The following ATP2A2 variants were observed in gnomAD, a reference collection of about 807,000 sequenced individuals.
ATP2A2 encodes ATPase sarcoplasmic/endoplasmic reticulum Ca2+ transporting 2, also known as sarcoplasmic/endoplasmic reticulum calcium ATPase 2.
In ATP2A2, 14 loss-of-function variants were observed where a neutral mutation model predicts 109.3. The observed-to-expected ratio is 0.13, with a 90% confidence interval of 0.08 to 0.20. The LOEUF (loss-of-function observed/expected upper bound fraction) is 0.20. ATP2A2 is among the 10% of genes least tolerant of loss of function. The probability of loss-of-function intolerance (pLI) is 1.00; values close to 1 mark genes in which losing one functional copy is unlikely to be tolerated. For missense variants in ATP2A2, 657 were observed against 1,321.6 expected (o/e 0.50, Z 7.80); for synonymous variants, 506 against 490.9 (o/e 1.03, Z -0.41).
At chr12:110,319,652 TAATA>T (rs879400722) in intron 5 of ATP2A2, among the ~76,000 whole-genome samples, 83 of 148,838 alleles carry the variant, frequency 5.6e-4, no homozygotes, top group Non-Finnish European at 6.8e-4. Flanking sequence ...ATACTATATA[TAATA>T]AATCTATACT....
In ATP2A2 at chr12:110,281,882, G is replaced by A; in HGVS notation, c.93G>A (p.Lys31=). 1 of 1,581,452 alleles carries A rather than the reference G, an allele frequency of 6.3e-7. No homozygotes were observed. The highest frequency in any genetic ancestry group is 1.2e-5 in the South Asian group (1 of 86,158). The change falls in exon 1 of 20, where the codon AAG becomes AAA. Residue 31 remains lysine, a synonymous_variant. Coordinates refer to ENST00000539276, the MANE Select transcript of ATP2A2 (RefSeq NM_170665.4). ...STGLSLEQVK[K]LKERWGSNEL... The stretch of plus-strand genomic sequence containing the variant: ...GGCTGAGCCTGGAACAGGTCAAGAA[G>A]CTTAAGGAGAGATGGGGCTCCAACG...
At chr12:110,345,571 C>T (rs1309906832) in intron 18 of ATP2A2, 189 bp downstream of exon 18, 3 of 902,200 alleles carry the variant, frequency 3.3e-6, no homozygotes, top group South Asian at 1.5e-5. Flanking sequence ...GAGTGCTTAG[C>T]CCTGTGTTTC....
intron 4 of ATP2A2, among the ~76,000 whole-genome samples, chr12:110,292,829 G>A (rs1873464344): frequency 6.6e-6 from 1 of 152,092 alleles, no homozygotes; most frequent in Admixed American, 6.6e-5. Context: ...AATTAAAATG[G>A]GTGAGAGAAG....
rs188480916 is a variant in ATP2A2 at position 110,343,352 on chromosome 12, G to C, written c.2439G>C (p.Leu813=). Residue 813 remains leucine (L), a synonymous_variant, in exon 16 of 20, where the codon CTG becomes CTC. Coordinates refer to ENST00000539276, the MANE Select transcript of ATP2A2 (RefSeq NM_170665.4). ...CACTGGGGTTCAACCCTCCTGATCT[G>C]GACATCATGAATAAACCTCCCCGGA... is the stretch of plus-strand genomic sequence containing the variant. The part of the protein sequence containing the change: ...ATALGFNPPD[L]DIMNKPPRNP... 2 of 1,614,156 alleles carry C rather than the reference G, an allele frequency of 1.2e-6. No homozygotes were observed. The highest frequency in any genetic ancestry group is 4.5e-5 in the East Asian group (2 of 44,886).
intron 9 of ATP2A2, 74 bp downstream of exon 9, chr12:110,332,759 A>G (rs975046966): frequency 1.5e-6 from 2 of 1,306,690 alleles, no homozygotes; most frequent in South Asian, 2.4e-5. Flanking sequence ...CAGCATGTCT[A>G]CAAAGTTAAG....
intron 5 of ATP2A2, among the ~76,000 whole-genome samples, chr12:110,314,864 C>A (rs1057049549): frequency 6.6e-6 from 1 of 150,710 alleles, no homozygotes; most frequent in South Asian, 2.1e-4. Flanking sequence ...CCAGAAGATA[C>A]ACTTTTTTTT....
At position 110,282,625 on chromosome 12, in the gene ATP2A2, A is replaced by G. The variant is rs1872256530; in HGVS notation, c.136+4A>G. ...ACAGAGTTACCGGCTGAAGAAGGTA[A>G]TCTTAACATGCTGTTTCTGTTTTTT... is the stretch of plus-strand genomic sequence containing the variant. On this transcript the variant is annotated splice_donor_region_variant and intron_variant, in intron 2 of 19. Transcript: ENST00000539276. 1 of 1,613,876 alleles carries G rather than the reference A, an allele frequency of 6.2e-7. No homozygotes were observed. Among genetic ancestry groups the G allele is most frequent in the African/African-American group, 1.3e-5 (1 of 74,864 alleles).
In ATP2A2 at chr12:110,346,491, A is replaced by T. The variant is rs776112657; in HGVS notation, c.*21A>T. ...CTTGACTGACAGTTTTCCATAAAGAAGATGTTTAACTTAATCAATTAATTT... is the reference window on the plus strand; with the variant it reads ...CTTGACTGACAGTTTTCCATAAAGATGATGTTTAACTTAATCAATTAATTT... On this transcript the variant is annotated 3_prime_UTR_variant, in exon 20 of 20. Transcript: ENST00000539276. 25 of 1,613,982 alleles carry T rather than the reference A, an allele frequency of 1.5e-5. No individual in the cohort carries two copies. The highest frequency in any genetic ancestry group is 1.6e-4 in the Middle Eastern group (1 of 6,084).
intron 4 of ATP2A2, among the ~76,000 whole-genome samples, chr12:110,294,965 G>A (rs1267551681): frequency 2.6e-5 from 4 of 151,720 alleles, no homozygotes; most frequent in South Asian, 2.1e-4. Context: ...GATTACAGGC[G>A]TGCACCACCA....
chr12:110,292,141 G>A lies in ATP2A2; in HGVS notation c.324+17G>A. 3 of 1,577,122 alleles carry A rather than the reference G, an allele frequency of 1.9e-6. No individual in the cohort carries two copies. Among genetic ancestry groups the A allele is most frequent in the Non-Finnish European group, 2.6e-6 (3 of 1,146,540 alleles). On this transcript the variant is annotated intron_variant, in intron 4 of 19. Transcript: ENST00000539276. ...GTATGGCAGGTAAGCAAAAATTCCT[G>A]TACTGCAAAATTTCAATAAGTTATG... is the stretch of plus-strand genomic sequence containing the variant.
At chr12:110,343,170 C>A (rs1879516277) in intron 15 of ATP2A2, 62 bp from the exon 16 acceptor site, 1 of 1,554,792 alleles carries the variant, frequency 6.4e-7, no homozygotes, top group Non-Finnish European at 8.9e-7. Flanking sequence ...TGATGATGCT[C>A]TTTAAATAGT....
Position 110,281,563 on chromosome 12 carries a change from C to A in ATP2A2, c.-227C>A, listed in dbSNP as rs1027258161. Reference sequence around the variant, plus strand: ...GAGGGGAGGGAGGGTGGGTCAGGAGCCCCCAACCCGCCCTGCGGAGCTCGG... The same window carrying A: ...GAGGGGAGGGAGGGTGGGTCAGGAGACCCCAACCCGCCCTGCGGAGCTCGG... On this transcript the variant is annotated 5_prime_UTR_variant, in exon 1 of 20. Transcript: ENST00000539276. 6.7e-6 allele frequency: 2 copies of A among 296,938 alleles called. No homozygotes were observed. The highest frequency in any genetic ancestry group is 4.5e-5 in the African/African-American group (2 of 44,862). 18.4% of individuals were successfully genotyped at this position (296,938 alleles called of 1,614,324 possible). A position where few individuals can be genotyped will look rare whatever the true frequency, so the allele number is the denominator to read the frequency against.
chr12:110,295,540 C>G (rs76384938), intron 4 of ATP2A2, among the ~76,000 whole-genome samples: 3,526 of 152,224 alleles, frequency 0.023, 126 homozygotes, highest in African/African-American at 0.079. Flanking sequence ...TAAATTCCAC[C>G]CAACATGATC....
intron 5 of ATP2A2, among the ~76,000 whole-genome samples, chr12:110,313,394 G>A (rs927665159): frequency 1.4e-5 from 2 of 137,998 alleles, no homozygotes; most frequent in African/African-American, 5.5e-5. Context: ...CTCACTGCAA[G>A]CTCCGCCTCC....
At chr12:110,289,861 T>A (rs988623813) in intron 3 of ATP2A2, among the ~76,000 whole-genome samples, 1 of 152,220 alleles carries the variant, frequency 6.6e-6, no homozygotes, top group Non-Finnish European at 1.5e-5. Context: ...CTTTACCATA[T>A]TCATTATTCT....
chr12:110,332,547 C>T (rs1878442034), intron 8 of ATP2A2, 50 bp from the exon 9 acceptor site: 1 of 1,450,402 alleles, frequency 6.9e-7, no homozygotes, highest in Non-Finnish European at 9.7e-7. Context: ...ATTTGTGTAG[C>T]ATTTTTTAAA....
intron 3 of ATP2A2, among the ~76,000 whole-genome samples, chr12:110,289,740 TA>T (rs1308985912): frequency 9.9e-5 from 15 of 152,062 alleles, no homozygotes; most frequent in South Asian, 6.2e-4. Flanking sequence ...ATTTTTTAAT[TA>T]AAAAAAATTC....
rs778264223 is a variant in ATP2A2, at chr12:110,348,273, C to G, written c.*1803C>G. The G allele has an allele frequency of 1.7e-5, 17 of 985,316 alleles. No homozygotes were observed. The highest frequency in any genetic ancestry group is 2.0e-5 in the Non-Finnish European group (17 of 829,984). 61.0% of individuals were successfully genotyped at this position (985,316 alleles called of 1,614,324 possible). A position where few individuals can be genotyped will look rare whatever the true frequency, so the allele number is the denominator to read the frequency against. ...GCCACTTCCCCACTCCCCCACCCCC[C>G]CTTGCTTGGTCTTGTCCTTGGTGGC... is the stretch of plus-strand genomic sequence containing the variant. On this transcript the variant is annotated 3_prime_UTR_variant, in exon 20 of 20. Transcript: ENST00000539276.
intron 3 of ATP2A2, among the ~76,000 whole-genome samples, chr12:110,283,890 G>A (rs1210123203): frequency 1.3e-5 from 2 of 152,080 alleles, no homozygotes; most frequent in Non-Finnish European, 2.9e-5. Flanking sequence ...ACAAAGCAGT[G>A]GGCATTTATT....
Sources: allele counts gnomAD v4.1 joint callset (sites outside exome capture counted in the v4.1 genomes callset), GRCh38; gene constraint gnomAD v4.1.1; transcripts MANE v1.5; gene names NCBI Gene and HGNC (gene_info 2026-07-23, HGNC 2026-07-21).